ENPP6: variants seen among roughly 807,000 people sequenced by gnomAD.
ENPP6 encodes the protein glycerophosphocholine cholinephosphodiesterase ENPP6.
ENPP6 carries 32 observed loss-of-function variants against 42.0 expected under a neutral mutation model. That is an observed-to-expected ratio of 0.76 (90% CI 0.58 to 1.02). The LOEUF (loss-of-function observed/expected upper bound fraction) is 1.02, where lower values mean the gene tolerates loss of function less well. Ranked by LOEUF, ENPP6 falls within the 50% of genes least tolerant of loss-of-function variation. The pLI, the probability that ENPP6 is intolerant of heterozygous loss-of-function variation, is 0.00. For synonymous variants in ENPP6, 213 were observed against 216.0 expected (o/e 0.99, Z 0.12); for missense variants, 552 against 566.8 (o/e 0.97, Z 0.27).
intron 1 of ENPP6, among the ~76,000 whole-genome samples, chr4:184,172,289 G>A (rs1452704438): frequency 6.6e-6 from 1 of 152,104 alleles, no homozygotes; most frequent in African/African-American, 2.4e-5. Context: ...TTCTCAGGAT[G>A]GGAGGTGTTT....
chr4:184,205,432 C>G (rs893701480), intron 1 of ENPP6, among the ~76,000 whole-genome samples: 3 of 152,212 alleles, frequency 2.0e-5, no homozygotes, highest in African/African-American at 4.8e-5. Context: ...AGAAGGGAAG[C>G]AGCCAGGAGG....
rs969578539 is a variant in ENPP6 at position 184,097,469 on chromosome 4, T to C, written c.994-101A>G. Reference sequence around the variant, plus strand: ...ACTCCACCGGGGGGCGCTTTCCTCCTCTGCGCTCCGACTGACCCAGACTGA... The same window carrying C: ...ACTCCACCGGGGGGCGCTTTCCTCCCCTGCGCTCCGACTGACCCAGACTGA... On this transcript the variant is annotated intron_variant, in intron 6 of 7. Coordinates refer to ENST00000296741, the MANE Select transcript of ENPP6 (RefSeq NM_153343.4). 7.2e-6 allele frequency: 11 copies of C among 1,533,536 alleles called. No individual in the cohort carries two copies. In the Admixed American group the frequency reaches 1.9e-4, roughly 26 times the overall value. 95.0% of individuals were successfully genotyped at this position (1,533,536 alleles called of 1,614,324 possible). A position where few individuals can be genotyped will look rare whatever the true frequency, so the allele number is the denominator to read the frequency against.
At chr4:184,132,844 T>C (rs964047036) in intron 2 of ENPP6, among the ~76,000 whole-genome samples, 15 of 148,334 alleles carry the variant, frequency 1.0e-4, no homozygotes, top group Admixed American at 1.3e-4. Flanking sequence ...CATATATATA[T>C]ATATATATAT....
intron 1 of ENPP6, among the ~76,000 whole-genome samples, chr4:184,157,309 A>G (rs141007400): frequency 6.6e-6 from 1 of 152,300 alleles, no homozygotes; most frequent in African/African-American, 2.4e-5. Context: ...CCACTGCTGG[A>G]TCCCACTGCA....
intron 5 of ENPP6, among the ~76,000 whole-genome samples, chr4:184,113,550 C>T (rs1368993145): frequency 6.6e-6 from 1 of 152,118 alleles, no homozygotes; most frequent in Non-Finnish European, 1.5e-5. Flanking sequence ...TGTCAAAACG[C>T]CCATGCTCTA....
intron 1 of ENPP6, among the ~76,000 whole-genome samples, chr4:184,196,757 G>A (rs535539843): frequency 6.6e-6 from 1 of 152,170 alleles, no homozygotes; most frequent in South Asian, 2.1e-4. Context: ...TTCCCAGAGA[G>A]GCCTCCAACA....
chr4:184,148,083 T>G (rs1358883629), intron 2 of ENPP6, among the ~76,000 whole-genome samples: 1 of 152,210 alleles, frequency 6.6e-6, no homozygotes, highest in Non-Finnish European at 1.5e-5. Flanking sequence ...CTTTTCATTA[T>G]TGTACTTTTG....
intron 3 of ENPP6, among the ~76,000 whole-genome samples, chr4:184,119,791 A>G (rs1736385006): frequency 6.6e-6 from 1 of 152,024 alleles, no homozygotes; most frequent in Admixed American, 6.6e-5. Flanking sequence ...ATGAGATCTG[A>G]TGGTTTTATA....
intron 1 of ENPP6, among the ~76,000 whole-genome samples, chr4:184,186,379 C>T (rs970104213): frequency 2.0e-5 from 3 of 152,014 alleles, no homozygotes; most frequent in Admixed American, 2.0e-4. Context: ...GCTAAAAAGA[C>T]GCAAAGTAGA....
chr4:184,107,988 A>C (rs1736132185), intron 6 of ENPP6, among the ~76,000 whole-genome samples: 1 of 152,184 alleles, frequency 6.6e-6, no homozygotes, highest in South Asian at 2.1e-4. Context: ...AATCCTAAGA[A>C]AAAGATAAAC....
rs750162396 is a variant in ENPP6, at chr4:184,217,680, A to C, written c.140T>G (p.Leu47Trp). 3.1e-6 allele frequency: 5 copies of C among 1,614,220 alleles called. No homozygotes were observed. The South Asian group carries it at 5.5e-5, about 18-fold the overall frequency. ...GCTCACAATCTCTTTGAAACCAGGC[A>C]ATGACTCCAGCGCCTCATCACTGAT... ...DYISDEALES[L>W]PGFKEIVSRG... is the part of the protein sequence containing the mutation. The change falls in exon 1 of 8, where the codon TTG becomes TGG. Residue 47 changes from leucine to tryptophan, a missense_variant. This residue lies in a region of ENPP6 where 545 missense variants were observed against 546.3 expected (regional missense o/e 1.00). Transcript: ENST00000296741.
intron 1 of ENPP6, among the ~76,000 whole-genome samples, chr4:184,190,798 C>T (rs958375840): frequency 6.6e-6 from 1 of 151,932 alleles, no homozygotes; most frequent in African/African-American, 2.4e-5. Context: ...GGGGCAGTAT[C>T]CCAGATGTGA....
chr4:184,146,776 G>C (rs1736933018), intron 2 of ENPP6, among the ~76,000 whole-genome samples: 1 of 152,216 alleles, frequency 6.6e-6, no homozygotes, highest in African/African-American at 2.4e-5. Flanking sequence ...GCTACGCAGA[G>C]AGTGATACTA....
chr4:184,214,787 C>T (rs1285448285), intron 1 of ENPP6, among the ~76,000 whole-genome samples: 1 of 152,126 alleles, frequency 6.6e-6, no homozygotes, highest in East Asian at 1.9e-4. Context: ...ACAATGAGAA[C>T]ACATGGACAC....
At chr4:184,208,379 C>T (rs539623194) in intron 1 of ENPP6, among the ~76,000 whole-genome samples, 2 of 152,170 alleles carry the variant, frequency 1.3e-5, no homozygotes, top group African/African-American at 2.4e-5. Context: ...TCAGTGGGTG[C>T]GCGCACCCTG....
At position 184,184,976 on chromosome 4, in the gene ENPP6, T is replaced by A. The variant is rs1732607709; in HGVS notation, c.242-31243A>T. On this transcript the variant is annotated intron_variant, in intron 1 of 7. Transcript: ENST00000296741. This position sits in a 1 kb window ranked among gnomAD's most constrained non-coding sequence, Gnocchi z 4.7. ...ATGGGAGGAGAGGAGCTGCGTCACATCTAATGAGACAGCTGGGAGGAAGAC... is the reference window on the plus strand; with the variant it reads ...ATGGGAGGAGAGGAGCTGCGTCACAACTAATGAGACAGCTGGGAGGAAGAC... Among the ~76,000 whole-genome samples, 1 of 152,032 alleles carries A rather than the reference T, an allele frequency of 6.6e-6. No individual in the cohort carries two copies. The highest frequency in any genetic ancestry group is 1.5e-5 in the Non-Finnish European group (1 of 68,004).
chr4:184,152,362 C>A (rs1270898354), intron 2 of ENPP6, among the ~76,000 whole-genome samples: 1 of 152,118 alleles, frequency 6.6e-6, no homozygotes, highest in Non-Finnish European at 1.5e-5. Context: ...TTCACCCCCT[C>A]TCCACTGCCC....
chr4:184,151,134 T>C (rs1261467672), intron 2 of ENPP6, among the ~76,000 whole-genome samples: 2 of 152,172 alleles, frequency 1.3e-5, no homozygotes, highest in East Asian at 1.9e-4. Context: ...GGTCAGCAGA[T>C]CAAGACCAGC....
At chr4:184,190,846 C>T (rs974685145) in intron 1 of ENPP6, among the ~76,000 whole-genome samples, 2 of 152,216 alleles carry the variant, frequency 1.3e-5, no homozygotes, top group Admixed American at 1.3e-4. Context: ...TTTTTCACAA[C>T]TGTGCAGCCT....
Sources: allele counts gnomAD v4.1 joint callset (sites outside exome capture counted in the v4.1 genomes callset), GRCh38; gene constraint gnomAD v4.1.1; regional missense constraint gnomAD v4.1.1; non-coding constraint Gnocchi (gnomAD v3.1); transcripts MANE v1.5; gene names NCBI Gene and HGNC (gene_info 2026-07-23, HGNC 2026-07-21).